The following TLL2 variants were observed in gnomAD, a reference collection of about 807,000 sequenced individuals.
The protein encoded by TLL2 is tolloid-like protein 2.
In TLL2, 106 loss-of-function variants were observed where a neutral mutation model predicts 123.0. That is an observed-to-expected ratio of 0.86 (90% confidence interval 0.74 to 1.01). The LOEUF (loss-of-function observed/expected upper bound fraction) is 1.01. Ranked by LOEUF, TLL2 falls within the 50% of genes least tolerant of loss-of-function variation. TLL2 has a pLI of 0.00. For synonymous variants in TLL2, 494 were observed against 516.8 expected (o/e 0.96, Z 0.60); for missense variants, 1,332 against 1,336.7 (o/e 1.00, Z 0.06).
chr10:96,500,127 G>GA (rs1185265303), intron 1 of TLL2, among the ~76,000 whole-genome samples: 23 of 86,978 alleles, frequency 2.6e-4, no homozygotes, highest in Middle Eastern at 6.0e-3. Flanking sequence ...AAAAGAAAAA[G>GA]AAAAAAAAAT....
intron 2 of TLL2, among the ~76,000 whole-genome samples, chr10:96,476,240 A>ATATATATATATATATTTTTTTTT: frequency 4.9e-5 from 1 of 20,502 alleles, no homozygotes; most frequent in Non-Finnish European, 1.0e-4. Context: ...ATATATATAT[A>ATATATATATATATATTTTTTTTT]TTTTATTTTT....
At chr10:96,404,136 G>A (rs138514971) in intron 10 of TLL2, among the ~76,000 whole-genome samples, 3,716 of 152,212 alleles carry the variant, frequency 0.024, 58 homozygotes, top group Middle Eastern at 0.034. Context: ...GGTCCTTGGT[G>A]TGCTGAGTGC....
chr10:96,510,362 C>T (rs915741943), intron 1 of TLL2, among the ~76,000 whole-genome samples: 1 of 152,170 alleles, frequency 6.6e-6, no homozygotes, highest in African/African-American at 2.4e-5. Flanking sequence ...CTCACCAGCC[C>T]CAGGCCAGGA....
In TLL2 at chr10:96,475,697, G is replaced by A. The variant is rs532878706; in HGVS notation, c.286+4652C>T. Among the ~76,000 whole-genome samples the A allele has an allele frequency of 2.0e-5, 3 of 152,170 alleles. No individual in the cohort carries two copies. In the East Asian group the frequency reaches 5.8e-4, roughly 29 times the overall value. ...CCTTCCCCCCATGTCTCCCTCCAGGGACCTCAGACCTCTCCCCTTGAGCCC... is the reference window on the plus strand; with the variant it reads ...CCTTCCCCCCATGTCTCCCTCCAGGAACCTCAGACCTCTCCCCTTGAGCCC... On this transcript the variant is annotated intron_variant, in intron 2 of 20. Coordinates refer to ENST00000357947, the MANE Select transcript of TLL2 (RefSeq NM_012465.4).
Position 96,476,216 on chromosome 10 carries a change from T to TCATATATA in TLL2, c.286+4132_286+4133insTATATATG, listed in dbSNP as rs1554939587. Among the ~76,000 whole-genome samples, 259 of 33,336 alleles carry TCATATATA rather than the reference T, an allele frequency of 7.8e-3. 4 individuals carry two copies. Among genetic ancestry groups the TCATATATA allele is most frequent in the African/African-American group, 0.019 (219 of 11,446 alleles). 21.9% of individuals were successfully genotyped at this position (33,336 alleles called of 152,430 possible). ...ATAAAGGTGTGGTTCCTTTTTAATT[T>TCATATATA]TATATGTATATATATATATATATAT... On this transcript the variant is annotated intron_variant, in intron 2 of 20. Transcript: ENST00000357947.
chr10:96,387,086 G>A lies in TLL2; in HGVS notation c.1727-8C>T, dbSNP rs371561049. The A allele has an allele frequency of 5.6e-6, 9 of 1,610,964 alleles. No individual in the cohort carries two copies. The highest frequency in any genetic ancestry group is 4.5e-5 in the East Asian group (2 of 44,820). On this transcript the variant is annotated splice_region_variant and splice_polypyrimidine_tract_variant and intron_variant, in intron 13 of 20. Coordinates refer to ENST00000357947, the MANE Select transcript of TLL2 (RefSeq NM_012465.4). ...AGGAACACTCATCCACCTCTGGTGG[G>A]GAAGGAAGGTGACCCCGGTTACATT... is the stretch of plus-strand genomic sequence containing the variant.
chr10:96,366,171 T>C lies in TLL2; in HGVS notation c.*1917A>G, dbSNP rs1249455908. The C allele has an allele frequency of 6.6e-6, 1 of 152,382 alleles. No homozygotes were observed. Among genetic ancestry groups the C allele is most frequent in the Non-Finnish European group, 1.5e-5 (1 of 68,036 alleles). 9.4% of individuals were successfully genotyped at this position (152,382 alleles called of 1,614,324 possible). On this transcript the variant is annotated 3_prime_UTR_variant, in exon 21 of 21. Transcript: ENST00000357947. ...ATACAAAAATCAGATAAATGGAATC[T>C]ACCCTAACAGGCAGGTGGGATTGGA...
At chr10:96,378,444 C>G (rs542709833) in intron 17 of TLL2, among the ~76,000 whole-genome samples, 1 of 152,318 alleles carries the variant, frequency 6.6e-6, no homozygotes, top group Admixed American at 6.5e-5. Flanking sequence ...AAGCTTTCCC[C>G]AAATCCTATT....
At chr10:96,417,029 G>A (rs1369075540) in intron 7 of TLL2, among the ~76,000 whole-genome samples, 1 of 152,152 alleles carries the variant, frequency 6.6e-6, no homozygotes, top group African/African-American at 2.4e-5. Flanking sequence ...GAGAAGAACT[G>A]CAATAAACTA....
rs568163217 is a variant in TLL2 at position 96,513,342 on chromosome 10, G to C, written c.175+169C>G. Among the ~76,000 whole-genome samples, 11 of 152,308 alleles carry C rather than the reference G, an allele frequency of 7.2e-5. No homozygotes were observed. In the South Asian group the frequency reaches 1.7e-3, roughly 23 times the overall value. On this transcript the variant is annotated intron_variant, in intron 1 of 20. Transcript: ENST00000357947. ...CCTGGGGCCGGGACATCCCAGCCTC[G>C]GAGTGGTTTTTAAGCAATTCCTCGG...
chr10:96,451,162 G>T (rs1846955619), intron 2 of TLL2, among the ~76,000 whole-genome samples: 1 of 152,150 alleles, frequency 6.6e-6, no homozygotes, highest in South Asian at 2.1e-4. Flanking sequence ...TTCCTTTATG[G>T]AACAATTCAC....
chr10:96,477,794 C>T (rs1047636087), intron 2 of TLL2, among the ~76,000 whole-genome samples: 18 of 152,178 alleles, frequency 1.2e-4, no homozygotes, highest in African/African-American at 4.3e-4. Context: ...CTCTCACCAC[C>T]CTTCTGGGAG....
rs966514007 is a variant in TLL2 at position 96,365,403 on chromosome 10, G to A, written c.*2685C>T. 8.5e-5 allele frequency: 13 copies of A among 152,226 alleles called. 1 individual carries two copies. Among genetic ancestry groups the A allele is most frequent in the African/African-American group, 3.1e-4 (13 of 41,444 alleles). 9.4% of individuals were successfully genotyped at this position (152,226 alleles called of 1,614,324 possible). On this transcript the variant is annotated 3_prime_UTR_variant, in exon 21 of 21. Transcript: ENST00000357947. Reference sequence around the variant, plus strand: ...TTTCCTGCCCTGCAATCCAGGCTTAGCTTTTGCTAGACCGGGTTACACCAG... The same window carrying A: ...TTTCCTGCCCTGCAATCCAGGCTTAACTTTTGCTAGACCGGGTTACACCAG...
rs1027474006 is a variant in TLL2, at chr10:96,367,686, A to G, written c.*402T>C. On this transcript the variant is annotated 3_prime_UTR_variant, in exon 21 of 21. Coordinates refer to ENST00000357947, the MANE Select transcript of TLL2 (RefSeq NM_012465.4). ...GCCAAGTTTTCATCCCTTATGCCCA[A>G]CATGGACAGAAGACAGCCTGGCACC... 2.0e-4 allele frequency: 33 copies of G among 166,772 alleles called. No individual in the cohort carries two copies. The highest frequency in any genetic ancestry group is 1.9e-3 in the Admixed American group (32 of 17,258). The allele number at this position is 166,772 out of a possible 1,614,324, so 10.3% of individuals were successfully genotyped here. A position where few individuals can be genotyped will look rare whatever the true frequency, so the allele number is the denominator to read the frequency against.
At chr10:96,482,550 T>C (rs1160649791) in intron 1 of TLL2, among the ~76,000 whole-genome samples, 1 of 152,186 alleles carries the variant, frequency 6.6e-6, no homozygotes, top group African/African-American at 2.4e-5. Context: ...AAAAACATCA[T>C]ACGAAATGAA....
chr10:96,448,171 T>C (rs1846918231), intron 2 of TLL2, among the ~76,000 whole-genome samples: 1 of 152,230 alleles, frequency 6.6e-6, no homozygotes, highest in South Asian at 2.1e-4. Context: ...GCCTGCATCC[T>C]GCTCGTTCCG....
At chr10:96,448,525 A>C (rs1191607380) in intron 2 of TLL2, among the ~76,000 whole-genome samples, 5 of 152,184 alleles carry the variant, frequency 3.3e-5, no homozygotes. Flanking sequence ...TCGTTCATTC[A>C]ACAAGTATCT....
At chr10:96,481,116 T>C (rs1341864902) in intron 1 of TLL2, among the ~76,000 whole-genome samples, 2 of 148,948 alleles carry the variant, frequency 1.3e-5, no homozygotes, top group African/African-American at 5.0e-5. Flanking sequence ...GATTAAAAAA[T>C]GAAAACACTG....
Position 96,513,502 on chromosome 10 carries a change from G to A in TLL2, c.175+9C>T. The A allele has an allele frequency of 6.2e-7, 1 of 1,611,786 alleles. No homozygotes were observed. Among genetic ancestry groups the A allele is most frequent in the East Asian group, 2.2e-5 (1 of 44,704 alleles). ...ACTTCTGCGGGACTTCCCCAGCGGC[G>A]GCACCTACCGGCTTTGCAAGGGTCG... On this transcript the variant is annotated intron_variant, in intron 1 of 20. Coordinates refer to ENST00000357947, the MANE Select transcript of TLL2 (RefSeq NM_012465.4).
Sources: allele counts gnomAD v4.1 joint callset (sites outside exome capture counted in the v4.1 genomes callset), GRCh38; gene constraint gnomAD v4.1.1; transcripts MANE v1.5; gene names NCBI Gene and HGNC (gene_info 2026-07-23, HGNC 2026-07-21).